Variants in FNDC3B observed in about 807,000 individuals in gnomAD.
The protein encoded by FNDC3B is fibronectin type III domain containing 3B.
Under a neutral mutation model 151.5 loss-of-function variants are expected in FNDC3B, and 12 were observed. That is an observed-to-expected ratio of 0.08 (90% confidence interval 0.05 to 0.13). The LOEUF is 0.13. Ranked by LOEUF, FNDC3B falls within the 10% of genes least tolerant of loss-of-function variation. The pLI is 1.00. For missense variants in FNDC3B, 1,214 were observed against 1,505.3 expected (o/e 0.81, Z 3.20); for synonymous variants, 528 against 549.0 (o/e 0.96, Z 0.54).
At chr3:172,306,865 G>A (rs553455595) in intron 9 of FNDC3B, 1 of 152,736 alleles carries the variant, frequency 6.5e-6, no homozygotes, top group African/African-American at 2.4e-5. Context: ...AACATCCCTA[G>A]TTTTACATAA....
chr3:172,085,868 T>C (rs1718525441), intron 1 of FNDC3B, among the ~76,000 whole-genome samples: 1 of 152,246 alleles, frequency 6.6e-6, no homozygotes, highest in African/African-American at 2.4e-5. Flanking sequence ...TAAAAGTGCA[T>C]GGCCACATTG....
At position 172,179,165 on chromosome 3, in the gene FNDC3B, G is replaced by A. The variant is rs560609597; in HGVS notation, c.187+45619G>A. Among the ~76,000 whole-genome samples, 8 of 152,196 alleles carry A rather than the reference G, an allele frequency of 5.3e-5. No individual in the cohort carries two copies. In the East Asian group the frequency reaches 9.7e-4, roughly 18 times the overall value. On this transcript the variant is annotated intron_variant, in intron 3 of 25. Coordinates refer to ENST00000415807, the MANE Select transcript of FNDC3B (RefSeq NM_022763.4). ...CAAAGTCCGCCTCCCAGGTTCAAGC[G>A]ATTCTCCTGCCTCAGCCTCCCGAAT...
At chr3:172,046,405 G>A (rs907392518) in intron 1 of FNDC3B, among the ~76,000 whole-genome samples, 2 of 151,786 alleles carry the variant, frequency 1.3e-5, no homozygotes, top group African/African-American at 2.4e-5. Context: ...GCTTACTATG[G>A]CTTCGAACTC....
rs147653113 is a variant in FNDC3B at position 172,265,961 on chromosome 3, G to C, written c.790+14420G>C. 4.4e-3 allele frequency among the ~76,000 whole-genome samples: 667 copies of C among 152,304 alleles called. 2 individuals are homozygous for C. The highest frequency in any genetic ancestry group is 6.9e-3 in the Non-Finnish European group (467 of 68,016). ...AACAATAAGTTAAAAGAAAAAGATA[G>C]GGATGAATTTTTTGACTAGGTAACT... On this transcript the variant is annotated intron_variant, in intron 6 of 25. Transcript: ENST00000415807.
chr3:172,329,839 A>C (rs1403301539), intron 12 of FNDC3B: 1 of 152,246 alleles, frequency 6.6e-6, no homozygotes, highest in African/African-American at 2.4e-5. Context: ...CTGGTTGAAA[A>C]AATACCGACA....
At chr3:172,291,489 C>A (rs767070571) in intron 7 of FNDC3B, among the ~76,000 whole-genome samples, 21 of 151,156 alleles carry the variant, frequency 1.4e-4, no homozygotes, top group Non-Finnish European at 1.9e-4. Context: ...TATGTGACCA[C>A]TTAGTAGTAG....
At chr3:172,374,889 G>A (rs990455354) in intron 23 of FNDC3B, among the ~76,000 whole-genome samples, 10 of 152,004 alleles carry the variant, frequency 6.6e-5, no homozygotes, top group Non-Finnish European at 1.5e-4. Context: ...AGATCTTTAG[G>A]GGGTATAGAA....
chr3:172,345,961 C>T (rs1733594540), intron 19 of FNDC3B: 1 of 155,154 alleles, frequency 6.4e-6, no homozygotes, highest in South Asian at 2.1e-4. Context: ...AATTAAACTG[C>T]AGTGGGCATC....
intron 4 of FNDC3B, among the ~76,000 whole-genome samples, chr3:172,239,214 A>C (rs73027387): frequency 3.3e-5 from 5 of 152,082 alleles, no homozygotes; most frequent in African/African-American, 7.2e-5. Flanking sequence ...CTGAGTGGAG[A>C]GGGGAGAGGT....
At chr3:172,107,604 G>A (rs1319635354) in intron 1 of FNDC3B, among the ~76,000 whole-genome samples, 2 of 152,302 alleles carry the variant, frequency 1.3e-5, no homozygotes, top group Non-Finnish European at 2.9e-5. Context: ...AGTCAGGGTG[G>A]TTTCTACTGA....
At chr3:172,194,410 CAT>C (rs1221276204) in intron 3 of FNDC3B, among the ~76,000 whole-genome samples, 1 of 152,122 alleles carries the variant, frequency 6.6e-6, no homozygotes, top group Non-Finnish European at 1.5e-5. Context: ...TGAAATGAGA[CAT>C]GTTTTTGTTT....
At chr3:172,192,203 T>C (rs373762780) in intron 3 of FNDC3B, among the ~76,000 whole-genome samples, 2 of 149,294 alleles carry the variant, frequency 1.3e-5, no homozygotes, top group African/African-American at 4.9e-5. Flanking sequence ...GAGGGAGTCT[T>C]GCTCTGTCCC....
chr3:172,142,246 T>C (rs1721662859), intron 3 of FNDC3B, among the ~76,000 whole-genome samples: 1 of 152,250 alleles, frequency 6.6e-6, no homozygotes, highest in Admixed American at 6.5e-5. Flanking sequence ...GCTAATCATT[T>C]TTAAAGCATT....
At position 172,175,103 on chromosome 3, in the gene FNDC3B, AT is replaced by A. The variant is rs558590357; in HGVS notation, c.187+41559del. Among the ~76,000 whole-genome samples, 6 of 151,870 alleles carry A rather than the reference AT, an allele frequency of 4.0e-5. No individual in the cohort carries two copies. The South Asian group carries it at 1.3e-3, about 32-fold the overall frequency. Reference sequence around the variant, plus strand: ...TCGCTGCTTTTGCTTTCTCTGCTGCATTCCCTGGATTTGTCTGACAGTCCAG... The same window carrying A: ...TCGCTGCTTTTGCTTTCTCTGCTGCATCCCTGGATTTGTCTGACAGTCCAG... On this transcript the variant is annotated intron_variant, in intron 3 of 25. Transcript: ENST00000415807.
intron 2 of FNDC3B, among the ~76,000 whole-genome samples, chr3:172,115,535 C>T (rs564644207): frequency 3.3e-5 from 5 of 152,290 alleles, no homozygotes; most frequent in Admixed American, 1.3e-4. Flanking sequence ...GATCAGGCTA[C>T]AGCAGACATA....
At chr3:172,351,852 T>C (rs1349845078) in intron 21 of FNDC3B, among the ~76,000 whole-genome samples, 1 of 152,012 alleles carries the variant, frequency 6.6e-6, no homozygotes, top group Non-Finnish European at 1.5e-5. Context: ...TAAGGAGGGA[T>C]GGGATGGGGA....
chr3:172,246,816 T>C (rs888617737), intron 4 of FNDC3B, among the ~76,000 whole-genome samples: 2 of 152,248 alleles, frequency 1.3e-5, no homozygotes, highest in Admixed American at 6.5e-5. Flanking sequence ...GTTGATTGGC[T>C]TGCTTTTCTC....
intron 25 of FNDC3B, among the ~76,000 whole-genome samples, chr3:172,389,911 A>G (rs149624361): frequency 5.3e-4 from 80 of 152,276 alleles, no homozygotes; most frequent in African/African-American, 1.9e-3. Context: ...TAGAAACTAC[A>G]TGTTTTCTAT....
At chr3:172,060,229 A>G (rs941763423) in intron 1 of FNDC3B, among the ~76,000 whole-genome samples, 1 of 152,198 alleles carries the variant, frequency 6.6e-6, no homozygotes, top group Admixed American at 6.5e-5. Context: ...AATAAATATA[A>G]GTAATGAAAG....
Sources: gnomAD v4.1 joint callset for allele counts (sites outside exome capture counted in the v4.1 genomes callset) on GRCh38, gnomAD v4.1.1 for gene constraint, MANE v1.5 for transcripts, NCBI Gene and HGNC (gene_info 2026-07-23, HGNC 2026-07-21) for gene names.